The following ITPR2 variants were observed in gnomAD, a reference collection of about 807,000 sequenced individuals.
ITPR2 encodes the protein inositol 1,4,5-trisphosphate receptor type 2.
Under a neutral mutation model 317.1 loss-of-function variants are expected in ITPR2, and 207 were observed. The observed-to-expected ratio is 0.65, with a 90% CI of 0.58 to 0.73. The LOEUF (loss-of-function observed/expected upper bound fraction) is 0.73, where lower values mean the gene tolerates loss of function less well. Ranked by LOEUF, ITPR2 falls within the 30% of genes least tolerant of loss-of-function variation. The pLI is 0.00. For missense variants in ITPR2, 2,613 were observed against 3,284.0 expected (o/e 0.80, Z 4.99); for synonymous variants, 1,156 against 1,149.1 (o/e 1.01, Z -0.12).
In ITPR2 at chr12:26,483,813, G is replaced by A; in HGVS notation, c.5897C>T (p.Thr1966Ile). Reference sequence around the variant, plus strand: ...ACCCAACAGGCCCAGGCCACCGGTTGTACTTCCACAAATGCAGTCCAGAAA... The same window carrying A: ...ACCCAACAGGCCCAGGCCACCGGTTATACTTCCACAAATGCAGTCCAGAAA... ...LQFLDCICGS[T>I]TGGLGLLGLY... is the part of the protein sequence containing the mutation. Residue 1966 changes from threonine to isoleucine, a missense_variant, in exon 42 of 57, where the codon ACA becomes ATA. By Grantham distance (89) the Thr-to-Ile change is moderately conservative. Transcript: ENST00000381340. 6.2e-7 allele frequency: 1 copy of A among 1,614,120 alleles called. No individual in the cohort carries two copies. Among genetic ancestry groups the A allele is most frequent in the Non-Finnish European group, 8.5e-7 (1 of 1,179,978 alleles).
chr12:26,586,965 A>G (rs1474360950), intron 32 of ITPR2, among the ~76,000 whole-genome samples: 1 of 151,910 alleles, frequency 6.6e-6, no homozygotes, highest in Non-Finnish European at 1.5e-5. Context: ...AAGTTCACCA[A>G]TCCCTGGAAA....
chr12:26,340,037 T>G, intron 56 of ITPR2, 130 bp downstream of exon 56: 10 of 816,544 alleles, frequency 1.2e-5, no homozygotes, highest in Non-Finnish European at 1.8e-5. Flanking sequence ...CAGTACAACG[T>G]GAGGTTTCTT....
chr12:26,811,036 C>CAAAAAAAAAAAA (rs79796097), intron 1 of ITPR2, among the ~76,000 whole-genome samples: 2 of 108,314 alleles, frequency 1.8e-5, no homozygotes, highest in African/African-American at 3.9e-5. Context: ...TTTTAAGTTA[C>CAAAAAAAAAAAA]AAAAAAAAAA....
intron 37 of ITPR2, among the ~76,000 whole-genome samples, chr12:26,516,250 A>AGGAAGGGAAGGGAAG (rs1565574406): frequency 2.9e-5 from 1 of 34,666 alleles, no homozygotes; most frequent in African/African-American, 9.0e-5. Flanking sequence ...AGGAAAGGAA[A>AGGAAGGGAAGGGAAG]GGAAAGGAAA....
At chr12:26,584,519 T>C (rs1945474467) in intron 32 of ITPR2, among the ~76,000 whole-genome samples, 1 of 152,206 alleles carries the variant, frequency 6.6e-6, no homozygotes, top group South Asian at 2.1e-4. Context: ...TCTTCTGCTC[T>C]AAAAGTGACT....
intron 37 of ITPR2, among the ~76,000 whole-genome samples, chr12:26,544,708 G>A (rs1944348793): frequency 7.0e-6 from 1 of 142,104 alleles, no homozygotes; most frequent in Non-Finnish European, 1.6e-5. Context: ...CAAATAAGTG[G>A]AGTCTCAAAT....
At chr12:26,649,381 A>C (rs1028095304) in intron 21 of ITPR2, 2 of 152,228 alleles carry the variant, frequency 1.3e-5, no homozygotes, top group Non-Finnish European at 2.9e-5. Context: ...TAACTGACAT[A>C]ATCAATATTC....
At chr12:26,654,357 T>A (rs1001455914) in intron 20 of ITPR2, among the ~76,000 whole-genome samples, 1 of 152,216 alleles carries the variant, frequency 6.6e-6, no homozygotes, top group Non-Finnish European at 1.5e-5. Flanking sequence ...TTAAGGTACT[T>A]AACAAAATTT....
At chr12:26,718,256 T>A (rs181682803) in intron 5 of ITPR2, among the ~76,000 whole-genome samples, 2 of 152,114 alleles carry the variant, frequency 1.3e-5, no homozygotes, top group East Asian at 1.9e-4. Flanking sequence ...TCTGTGTCCA[T>A]GTGTTCTCAA....
At chr12:26,520,839 T>C (rs12369646) in intron 37 of ITPR2, among the ~76,000 whole-genome samples, 62,746 of 152,048 alleles carry the variant, frequency 0.41, 14,690 homozygotes, top group Non-Finnish European at 0.53. Context: ...ATGAATTTGA[T>C]TGATTAGATA....
At chr12:26,733,201 C>A (rs983913417) in intron 2 of ITPR2, among the ~76,000 whole-genome samples, 3 of 151,842 alleles carry the variant, frequency 2.0e-5, no homozygotes, top group African/African-American at 7.3e-5. Flanking sequence ...GTAATCCCAG[C>A]CACTCAAGAG....
intron 9 of ITPR2, among the ~76,000 whole-genome samples, chr12:26,698,263 A>T (rs1948386565): frequency 6.6e-6 from 1 of 152,242 alleles, no homozygotes; most frequent in Admixed American, 6.5e-5. Flanking sequence ...CAGAGAAAAC[A>T]GTGGTAGGGG....
chr12:26,812,180 A>G (rs1205790123), intron 1 of ITPR2, among the ~76,000 whole-genome samples: 1 of 150,506 alleles, frequency 6.6e-6, no homozygotes, highest in Non-Finnish European at 1.5e-5. Context: ...AAAAAAAAGT[A>G]AAGAAATATA....
chr12:26,655,181 T>C (rs1241957246), intron 20 of ITPR2, among the ~76,000 whole-genome samples: 1 of 152,122 alleles, frequency 6.6e-6, no homozygotes, highest in Non-Finnish European at 1.5e-5. Context: ...TTTTACAAAA[T>C]ATGCAAAACT....
rs76423086 is a variant in ITPR2, at chr12:26,620,926, A to G, written c.3462+197T>C. 7.3e-3 allele frequency among the ~76,000 whole-genome samples: 1,105 copies of G among 152,338 alleles called. 9 individuals carry two copies. Among genetic ancestry groups the G allele is most frequent in the African/African-American group, 0.025 (1,031 of 41,580 alleles). On this transcript the variant is annotated intron_variant, in intron 26 of 56. Coordinates refer to ENST00000381340, the MANE Select transcript of ITPR2 (RefSeq NM_002223.4). ...GAAACACTAGATAGATGAGGTAAGAAGTGGTAGAAATTGATAAGAGCTAAA... is the reference window on the plus strand; with the variant it reads ...GAAACACTAGATAGATGAGGTAAGAGGTGGTAGAAATTGATAAGAGCTAAA...
intron 10 of ITPR2, among the ~76,000 whole-genome samples, chr12:26,691,379 CCT>C (rs1948237654): frequency 6.6e-6 from 1 of 152,038 alleles, no homozygotes; most frequent in South Asian, 2.1e-4. Flanking sequence ...AGCGCAACGC[CCT>C]CTCTCTTCAG....
chr12:26,615,287 G>C (rs1420062103), intron 26 of ITPR2, among the ~76,000 whole-genome samples: 1 of 151,822 alleles, frequency 6.6e-6, no homozygotes, highest in African/African-American at 2.4e-5. Context: ...AAACAACAAA[G>C]CATGATAAAA....
intron 37 of ITPR2, among the ~76,000 whole-genome samples, chr12:26,516,285 G>GGGAAT (rs1943504560): frequency 4.7e-5 from 2 of 42,854 alleles, no homozygotes; most frequent in African/African-American, 2.4e-4. Flanking sequence ...GGGAAGGGAA[G>GGGAAT]GGAAAGGAAA....
chr12:26,698,376 G>A (rs142545627), intron 9 of ITPR2, among the ~76,000 whole-genome samples: 159 of 152,208 alleles, frequency 1.0e-3, no homozygotes, highest in African/African-American at 3.7e-3. Context: ...AGTACTACTC[G>A]GCAATGAACA....
Sources: gnomAD v4.1 joint callset for allele counts (sites outside exome capture counted in the v4.1 genomes callset) on GRCh38, gnomAD v4.1.1 for gene constraint, MANE v1.5 for transcripts, NCBI Gene and HGNC (gene_info 2026-07-23, HGNC 2026-07-21) for gene names.